Variants in XKR6 observed in about 807,000 individuals in gnomAD.
The protein encoded by XKR6 is XK related 6.
XKR6 carries 22 observed loss-of-function variants against 56.7 expected under a neutral mutation model. The observed-to-expected ratio is 0.39, with a 90% confidence interval of 0.28 to 0.55. The LOEUF is 0.55. Ranked by LOEUF, XKR6 falls within the 20% of genes least tolerant of loss-of-function variation. The probability of loss-of-function intolerance (pLI) is 0.66; values close to 1 mark genes in which losing one functional copy is unlikely to be tolerated. For missense variants in XKR6, 852 were observed against 889.0 expected, an observed-to-expected ratio of 0.96 and a Z score of 0.53; for synonymous variants, 524 against 387.8, an observed-to-expected ratio of 1.35 and a Z score of -4.13.
intron 2 of XKR6, among the ~76,000 whole-genome samples, chr8:10,905,357 T>G (rs1800155988): frequency 6.6e-6 from 1 of 151,222 alleles, no homozygotes; most frequent in Non-Finnish European, 1.5e-5. Flanking sequence ...TGCTCTGTCC[T>G]TCTTCACACC....
chr8:10,999,363 CA>C (rs1586412801), intron 1 of XKR6, among the ~76,000 whole-genome samples: 1 of 152,180 alleles, frequency 6.6e-6, no homozygotes, highest in Non-Finnish European at 1.5e-5. Context: ...AAGAAAAATT[CA>C]GGATACAAAT....
At chr8:10,967,778 T>C (rs545228712) in intron 1 of XKR6, among the ~76,000 whole-genome samples, 2 of 152,300 alleles carry the variant, frequency 1.3e-5, no homozygotes, top group South Asian at 4.1e-4. Context: ...TCTGCATTTG[T>C]TTTCCAGGAG....
In XKR6 at chr8:10,896,105, AC is replaced by A; in HGVS notation, c.*1846del. The stretch of plus-strand genomic sequence containing the variant: ...TGTTTATATATATATATATATATAT[AC>A]TTATTATATATCTTTTTTGTGATTT... On this transcript the variant is annotated 3_prime_UTR_variant, in exon 3 of 3. Transcript: ENST00000416569. 6.8e-6 allele frequency: 1 copy of A among 147,760 alleles called. No homozygotes were observed. Among genetic ancestry groups the A allele is most frequent in the Admixed American group, 6.8e-5 (1 of 14,718 alleles). 9.2% of individuals were successfully genotyped at this position (147,760 alleles called of 1,614,324 possible). A position where few individuals can be genotyped will look rare whatever the true frequency, so the allele number is the denominator to read the frequency against.
At chr8:10,934,823 G>T (rs1430029759) in intron 1 of XKR6, among the ~76,000 whole-genome samples, 1 of 149,764 alleles carries the variant, frequency 6.7e-6, no homozygotes, top group Admixed American at 6.6e-5. Context: ...GAGGATTTTT[G>T]CATCAATGTT....
At chr8:11,121,685 G>A (rs1476762185) in intron 1 of XKR6, among the ~76,000 whole-genome samples, 1 of 152,206 alleles carries the variant, frequency 6.6e-6, no homozygotes, top group Admixed American at 6.5e-5. Context: ...CCATTACTGG[G>A]TATATACCCA....
chr8:10,990,636 A>G (rs1190833422), intron 1 of XKR6, among the ~76,000 whole-genome samples: 1 of 152,008 alleles, frequency 6.6e-6, no homozygotes, highest in Non-Finnish European at 1.5e-5. Flanking sequence ...CTGTCACCCA[A>G]CTGTGCAATC....
At chr8:11,010,684 C>A (rs760118207) in intron 1 of XKR6, among the ~76,000 whole-genome samples, 1 of 152,174 alleles carries the variant, frequency 6.6e-6, no homozygotes, top group African/African-American at 2.4e-5. Context: ...AGCTTTAAAA[C>A]AACTTTTCCC....
chr8:11,134,179 C>A (rs1800262267), intron 1 of XKR6, among the ~76,000 whole-genome samples: 1 of 152,100 alleles, frequency 6.6e-6, no homozygotes, highest in South Asian at 2.1e-4. Context: ...CCTTGCCCAC[C>A]CTTACCTTCT....
At chr8:10,928,654 A>C (rs1334515184) in intron 1 of XKR6, among the ~76,000 whole-genome samples, 2 of 143,876 alleles carry the variant, frequency 1.4e-5, no homozygotes, top group South Asian at 2.1e-4. Flanking sequence ...GCTCCAGGCA[A>C]GTGATCTCAT....
At chr8:11,145,547 A>G (rs1800937270) in intron 1 of XKR6, among the ~76,000 whole-genome samples, 1 of 152,252 alleles carries the variant, frequency 6.6e-6, no homozygotes, top group Admixed American at 6.5e-5. Flanking sequence ...AAAGATAAAA[A>G]CATCAACTGT....
chr8:11,108,529 TG>T, intron 1 of XKR6: 1 of 366,484 alleles, frequency 2.7e-6, no homozygotes. Context: ...CAGGAGGCAT[TG>T]CCTAGGAGGA....
At chr8:10,917,218 G>A (rs913144686) in intron 2 of XKR6, among the ~76,000 whole-genome samples, 1 of 152,130 alleles carries the variant, frequency 6.6e-6, no homozygotes, top group African/African-American at 2.4e-5. Flanking sequence ...GGCCCAGGGT[G>A]GCAAGAAGTA....
At chr8:11,182,816 T>C (rs1803066543) in intron 1 of XKR6, among the ~76,000 whole-genome samples, 1 of 152,248 alleles carries the variant, frequency 6.6e-6, no homozygotes, top group Admixed American at 6.5e-5. Context: ...CAGTCATTTC[T>C]GCAAGTTTTT....
At chr8:10,991,389 C>T (rs915524320) in intron 1 of XKR6, among the ~76,000 whole-genome samples, 2 of 152,174 alleles carry the variant, frequency 1.3e-5, no homozygotes, top group African/African-American at 4.8e-5. Context: ...CTTTGGATTC[C>T]AGTTAGCTCT....
chr8:11,078,163 T>C (rs901363568), intron 1 of XKR6, among the ~76,000 whole-genome samples: 1 of 152,142 alleles, frequency 6.6e-6, no homozygotes, highest in Non-Finnish European at 1.5e-5. Flanking sequence ...ACAGACCTAT[T>C]TTTAAAATTT....
At chr8:11,114,218 C>A (rs1044739936) in intron 1 of XKR6, 2 of 298,492 alleles carry the variant, frequency 6.7e-6, no homozygotes, top group Non-Finnish European at 1.3e-5. Context: ...CATTTCTACA[C>A]AGAGAATCAC....
intron 2 of XKR6, among the ~76,000 whole-genome samples, chr8:10,919,141 C>A (rs1800643971): frequency 1.3e-5 from 2 of 152,224 alleles, no homozygotes; most frequent in African/African-American, 4.8e-5. Flanking sequence ...AACTGCCAAG[C>A]TCCAGTCATG....
At chr8:11,172,862 T>A (rs1586650043) in intron 1 of XKR6, among the ~76,000 whole-genome samples, 1 of 152,100 alleles carries the variant, frequency 6.6e-6, no homozygotes, top group Admixed American at 6.5e-5. Context: ...GGGAAAACAT[T>A]TACTTTTACA....
At chr8:10,975,593 G>A (rs193277296) in intron 1 of XKR6, among the ~76,000 whole-genome samples, 130 of 152,272 alleles carry the variant, frequency 8.5e-4, no homozygotes, top group Non-Finnish European at 1.4e-3. Context: ...GTGTGGTCTC[G>A]CGGATTTGTG....
Sources: allele counts gnomAD v4.1 joint callset (sites outside exome capture counted in the v4.1 genomes callset), GRCh38; gene constraint gnomAD v4.1.1; transcripts MANE v1.5; gene names NCBI Gene and HGNC (gene_info 2026-07-23, HGNC 2026-07-21).